CFAP119: variants seen among roughly 807,000 people sequenced by gnomAD.
The protein encoded by CFAP119 is cilia and flagella associated protein 119, also known as cilia- and flagella-associated protein 119.
the CFAP119 span, chr16:30,761,639 C>T: frequency 6.5e-7 from 1 of 1,536,072 alleles, no homozygotes; most frequent in Non-Finnish European, 8.7e-7. Context: ...CGCGGCCGAC[C>T]CATGCACTGA....
the CFAP119 span, chr16:30,761,823 G>C: frequency 4.3e-6 from 6 of 1,379,378 alleles, no homozygotes; most frequent in Non-Finnish European, 5.8e-6. Context: ...CGCTCGGTCG[G>C]CGGCTACCAA....
the CFAP119 span, chr16:30,758,823 A>C: frequency 2.1e-6 from 2 of 954,560 alleles, no homozygotes; most frequent in Admixed American, 2.9e-5. Context: ...TGCTGGGATT[A>C]CAGGTGTGAG....
chr16:30,759,337 C>A, the CFAP119 span: 2 of 1,613,314 alleles, frequency 1.2e-6, no homozygotes, highest in South Asian at 1.1e-5. Context: ...TCCACCACCC[C>A]CTACCTGGGG....
At chr16:30,761,009 T>C in the CFAP119 span, 16 of 660,298 alleles carry the variant, frequency 2.4e-5, no homozygotes, top group Non-Finnish European at 3.9e-5. Flanking sequence ...CTTTGGCTCT[T>C]TTTTTCTCAC....
the CFAP119 span, chr16:30,761,315 C>T: frequency 6.3e-7 from 1 of 1,578,080 alleles, no homozygotes; most frequent in South Asian, 1.1e-5. Flanking sequence ...GCCGCTGTAA[C>T]TTGCCATCTC....
chr16:30,760,149 G>A, the CFAP119 span: 1 of 1,575,842 alleles, frequency 6.3e-7, no homozygotes. Flanking sequence ...AAAGCTGATG[G>A]CTTGTGTATG....
At chr16:30,760,607 C>G in the CFAP119 span, 354 of 1,558,710 alleles carry the variant, frequency 2.3e-4, 1 homozygote, top group Non-Finnish European at 2.9e-4. Context: ...AGTCCCTACT[C>G]CCTCATCTCA....
At chr16:30,760,101 T>G in the CFAP119 span, 1 of 1,539,584 alleles carries the variant, frequency 6.5e-7, no homozygotes, top group Non-Finnish European at 8.7e-7. Context: ...AAATGTGTGC[T>G]GTATCCTTAA....
chr16:30,758,940 T>G, the CFAP119 span: 1 of 1,588,364 alleles, frequency 6.3e-7, no homozygotes, highest in Non-Finnish European at 8.6e-7. Flanking sequence ...TCTGAAGTCC[T>G]GATGTCATCC....
At chr16:30,760,695 T>G in the CFAP119 span, 1 of 1,547,260 alleles carries the variant, frequency 6.5e-7, no homozygotes, top group Non-Finnish European at 8.7e-7. Context: ...AAAAGAGTAT[T>G]GGTGGCCGTT....
chr16:30,760,737 C>T, the CFAP119 span: 9 of 1,425,598 alleles, frequency 6.3e-6, no homozygotes, highest in South Asian at 8.6e-5. Flanking sequence ...ACAGCTAGTG[C>T]GTGAGACTGG....
At chr16:30,759,484 C>A in the CFAP119 span, 3 of 1,614,198 alleles carry the variant, frequency 1.9e-6, no homozygotes, top group Non-Finnish European at 2.5e-6. Flanking sequence ...GGAATTAGAA[C>A]CCTGACTACC....
At chr16:30,761,479 A>C in the CFAP119 span, 24 of 1,526,910 alleles carry the variant, frequency 1.6e-5, no homozygotes, top group Non-Finnish European at 2.0e-5. Context: ...GCATAATGAC[A>C]GGTGGCGCCT....
the CFAP119 span, chr16:30,759,827 T>G: frequency 1.3e-6 from 2 of 1,498,592 alleles, no homozygotes; most frequent in South Asian, 2.8e-5. Context: ...AGCAGACAGA[T>G]CTGGGTTTCA....
At chr16:30,757,752 G>C in the CFAP119 span, 2 of 1,482,526 alleles carry the variant, frequency 1.3e-6, no homozygotes, top group South Asian at 1.4e-5. Context: ...AATTTCCCCT[G>C]GTGGGGATAT....
At chr16:30,758,866 C>T in the CFAP119 span, 1 of 1,366,224 alleles carries the variant, frequency 7.3e-7, no homozygotes, top group Non-Finnish European at 9.8e-7. Context: ...GTGCTTTTAT[C>T]TGTCATCTTG....
At chr16:30,761,940 G>A in the CFAP119 span, 12 of 600,812 alleles carry the variant, frequency 2.0e-5, no homozygotes, top group South Asian at 2.2e-4. Flanking sequence ...GTTGCCAAGG[G>A]GGCTTGTGAG....
chr16:30,760,521 T>G, the CFAP119 span: 1 of 1,609,262 alleles, frequency 6.2e-7, no homozygotes, highest in African/African-American at 1.3e-5. Context: ...ACCACATGCT[T>G]TGGAGTCAGC....
chr16:30,760,266 G>T, the CFAP119 span: 1 of 1,614,104 alleles, frequency 6.2e-7, no homozygotes, highest in East Asian at 2.2e-5. Flanking sequence ...CTCAAACCTG[G>T]TAGCTGCCCC....
Sources: gnomAD v4.1 joint callset for allele counts on GRCh38, gnomAD v4.1.1 for gene constraint, MANE v1.5 for transcripts, NCBI Gene and HGNC (gene_info 2026-07-23, HGNC 2026-07-21) for gene names.